CPSF7: variants seen among roughly 807,000 people sequenced by gnomAD.
CPSF7 encodes cleavage and polyadenylation specificity factor subunit 7.
CPSF7 carries 1 observed loss-of-function variant against 44.3 expected under a neutral mutation model. The ratio of observed to expected loss-of-function variants is 0.02; its 90% CI spans 0.01 to 0.11. The LOEUF is 0.11. CPSF7 is among the 10% of genes least tolerant of loss of function. The pLI is 1.00. For missense variants in CPSF7, 443 were observed against 607.2 expected, an observed-to-expected ratio of 0.73 and a Z score of 2.84; for synonymous variants, 202 against 222.0, an observed-to-expected ratio of 0.91 and a Z score of 0.80.
chr11:61,406,781 T>C (rs954461694), intron 9 of CPSF7, among the ~76,000 whole-genome samples: 3 of 152,204 alleles, frequency 2.0e-5, no homozygotes, highest in Non-Finnish European at 4.4e-5. Flanking sequence ...CTTGCTCTAT[T>C]GCCCAGGCTG....
chr11:61,420,532 T>A lies in CPSF7; in HGVS notation c.315A>T (p.Ile105=). 12 of 1,614,128 alleles carry A rather than the reference T, an allele frequency of 7.4e-6. No homozygotes were observed. Among genetic ancestry groups the A allele is most frequent in the Non-Finnish European group, 1.0e-5 (12 of 1,180,020 alleles). The change falls in exon 4 of 10, where the codon ATA becomes ATT. Residue 105 remains isoleucine, a synonymous_variant. Coordinates refer to ENST00000439958, the MANE Select transcript of CPSF7 (RefSeq NM_001142565.3). ...TCAACTCCACCACATCATAGACTCC[T>A]ATAGAGCGAATAACCTGGATCAGCT... is the stretch of plus-strand genomic sequence containing the variant. ...DQQLIQVIRS[I]GVYDVVELKF... is the part of the protein sequence containing the mutation.
chr11:61,416,437 T>C lies in CPSF7; in HGVS notation c.606A>G (p.Ser202=), dbSNP rs1590700752. ...RATPSENLVP[S]SARVDKPPSV... ...TGGGGGGCTTATCCACACGAGCAGA[T>C]GAGGGTACAAGGTTCTCAGAGGGTG... Residue 202 remains serine, a synonymous_variant, in exon 6 of 10, where the codon TCA becomes TCG. Transcript: ENST00000439958. 3.7e-6 allele frequency: 6 copies of C among 1,614,050 alleles called. No individual in the cohort carries two copies. The African/African-American group carries it at 8.0e-5, about 22-fold the overall frequency.
Position 61,416,352 on chromosome 11 carries a change from G to T in CPSF7, c.691C>A (p.Pro231Thr). ...AGAGGTGGTGGGGGTGGAATTGGTG[G>T]TGGGGGCAGACCCATCAGGGGAAGG... ...SALPLMGLPP[P>T]PIPPPPPLSS... Residue 231 changes from proline (P) to threonine (T), a missense_variant, in exon 6 of 10, where the codon CCA (proline) becomes ACA (threonine). Physicochemically the swap from Pro to Thr is conservative, Grantham distance 38 (BLOSUM62 -1). Transcript: ENST00000439958. 6.3e-7 allele frequency: 1 copy of T among 1,594,584 alleles called. No homozygotes were observed. The highest frequency in any genetic ancestry group is 8.6e-7 in the Non-Finnish European group (1 of 1,168,568).
chr11:61,418,981 G>A (rs1191293204), intron 5 of CPSF7, among the ~76,000 whole-genome samples: 1 of 151,770 alleles, frequency 6.6e-6, no homozygotes, highest in Non-Finnish European at 1.5e-5. Context: ...GCCTTCCAAA[G>A]CACTGGGATT....
At chr11:61,427,739 G>T (rs910334570) in intron 2 of CPSF7, among the ~76,000 whole-genome samples, 1 of 151,434 alleles carries the variant, frequency 6.6e-6, no homozygotes, top group Non-Finnish European at 1.5e-5. Context: ...CCACAACAGA[G>T]ACAAGAAACC....
At chr11:61,421,695 A>T in intron 2 of CPSF7, 87 bp from the exon 3 acceptor site, 1 of 955,456 alleles carries the variant, frequency 1.0e-6, no homozygotes, top group Non-Finnish European at 1.6e-6. Flanking sequence ...ATCCAGTTAA[A>T]TACTTGGTAA....
intron 2 of CPSF7, among the ~76,000 whole-genome samples, chr11:61,426,164 A>G (rs898876723): frequency 6.6e-6 from 1 of 152,232 alleles, no homozygotes; most frequent in Non-Finnish European, 1.5e-5. Context: ...TCTAGGAAAA[A>G]TATTAATTTT....
rs1458251396 is a variant in CPSF7, at chr11:61,429,959, C to A, written c.-101G>T. The A allele has an allele frequency of 7.6e-7, 1 of 1,311,618 alleles. No individual in the cohort carries two copies. The highest frequency in any genetic ancestry group is 1.0e-6 in the Non-Finnish European group (1 of 973,040). 81.2% of individuals were successfully genotyped at this position (1,311,618 alleles called of 1,614,324 possible). A position where few individuals can be genotyped will look rare whatever the true frequency, so the allele number is the denominator to read the frequency against. Reference sequence around the variant, plus strand: ...CGGCGAGTCCGGACTAGGCCCGAAGCGCGCGAACCGCTCTCCGCCCCAGGT... The same window carrying A: ...CGGCGAGTCCGGACTAGGCCCGAAGAGCGCGAACCGCTCTCCGCCCCAGGT... On this transcript the variant is annotated 5_prime_UTR_variant, in exon 1 of 10. Transcript: ENST00000439958.
chr11:61,424,056 T>C (rs1861136200), intron 2 of CPSF7, among the ~76,000 whole-genome samples: 1 of 152,184 alleles, frequency 6.6e-6, no homozygotes, highest in Non-Finnish European at 1.5e-5. Context: ...AGTAAACTTT[T>C]AGGGGGCAAC....
At chr11:61,429,841 C>A in intron 1 of CPSF7, 73 bp downstream of exon 1, 2 of 1,545,946 alleles carry the variant, frequency 1.3e-6, no homozygotes, top group Non-Finnish European at 1.7e-6. Context: ...CTCAACCGAC[C>A]CCCTTCCCGC....
rs201594451 is a variant in CPSF7, at chr11:61,419,899, T to C, written c.523+50A>G. On this transcript the variant is annotated intron_variant, in intron 5 of 9. Coordinates refer to ENST00000439958, the MANE Select transcript of CPSF7 (RefSeq NM_001142565.3). ...AAACAAACCCACAAACACCCCCCCC[T>C]CATACAGATGGTCTCCACGTACCCC... The C allele has an allele frequency of 5.3e-3, 8,044 of 1,504,840 alleles. 32 individuals are homozygous for C. Among genetic ancestry groups the C allele is most frequent in the South Asian group, 7.2e-3 (590 of 82,288 alleles). 93.2% of individuals were successfully genotyped at this position (1,504,840 alleles called of 1,614,324 possible). A position where few individuals can be genotyped will look rare whatever the true frequency, so the allele number is the denominator to read the frequency against.
intron 2 of CPSF7, among the ~76,000 whole-genome samples, chr11:61,428,410 T>G (rs1278547351): frequency 6.6e-6 from 1 of 152,154 alleles, no homozygotes; most frequent in African/African-American, 2.4e-5. Flanking sequence ...GGTATTGAAC[T>G]TCTGGTCTTA....
intron 7 of CPSF7, among the ~76,000 whole-genome samples, chr11:61,415,329 A>G (rs1179688111): frequency 2.0e-5 from 3 of 152,244 alleles, no homozygotes; most frequent in African/African-American, 7.2e-5. Flanking sequence ...TCTACTACAC[A>G]GACACTAGAT....
chr11:61,423,105 CAAAAAAAAAA>C (rs71471824), intron 2 of CPSF7, among the ~76,000 whole-genome samples: 2 of 52,352 alleles, frequency 3.8e-5, no homozygotes, highest in Non-Finnish European at 6.1e-5. Context: ...GACCCCATAT[CAAAAAAAAAA>C]AAAAAAAAAA....
At chr11:61,410,773 C>T in intron 9 of CPSF7, 165 bp downstream of exon 9, 1 of 637,474 alleles carries the variant, frequency 1.6e-6, no homozygotes, top group African/African-American at 1.8e-5. Context: ...GGTAAGACTC[C>T]CCATAAATGT....
intron 2 of CPSF7, among the ~76,000 whole-genome samples, chr11:61,428,018 TG>T (rs1861556675): frequency 6.6e-6 from 1 of 152,230 alleles, no homozygotes; most frequent in Admixed American, 6.5e-5. Context: ...GTGTACCCAC[TG>T]GAAGATGCAA....
intron 7 of CPSF7, 42 bp downstream of exon 7, chr11:61,415,624 T>A (rs1481736744): frequency 7.7e-7 from 1 of 1,302,434 alleles, no homozygotes; most frequent in South Asian, 1.2e-5. Flanking sequence ...GAAAAAAAAG[T>A]AAAGGTTAAG....
intron 2 of CPSF7, among the ~76,000 whole-genome samples, chr11:61,425,031 G>C (rs1293428667): frequency 6.6e-6 from 1 of 152,182 alleles, no homozygotes; most frequent in Non-Finnish European, 1.5e-5. Flanking sequence ...GATCCCTTAA[G>C]AATAGGATAG....
rs773928470 is a variant in CPSF7 at position 61,411,750 on chromosome 11, G to A, written c.1226+19C>T. The stretch of plus-strand genomic sequence containing the variant: ...GTGCTGCTTGGGGCTGGTAGGTGAG[G>A]ACACAATCACCAACTCACCTGGAAG... On this transcript the variant is annotated intron_variant, in intron 8 of 9. Coordinates refer to ENST00000439958, the MANE Select transcript of CPSF7 (RefSeq NM_001142565.3). The A allele has an allele frequency of 1.4e-5, 23 of 1,602,254 alleles. No homozygotes were observed. Among genetic ancestry groups the A allele is most frequent in the Non-Finnish European group, 1.8e-5 (21 of 1,171,666 alleles).
Sources: gnomAD v4.1 joint callset for allele counts (sites outside exome capture counted in the v4.1 genomes callset) on GRCh38, gnomAD v4.1.1 for gene constraint, MANE v1.5 for transcripts, NCBI Gene and HGNC (gene_info 2026-07-23, HGNC 2026-07-21) for gene names.